The following FBXO17 variants were observed in gnomAD, a reference collection of about 807,000 sequenced individuals.
FBXO17 encodes the protein F-box only protein 17.
Under a neutral mutation model 34.1 loss-of-function variants are expected in FBXO17, and 43 were observed. The ratio of observed to expected loss-of-function variants is 1.26; its 90% CI spans 0.99 to 1.62. The LOEUF (loss-of-function observed/expected upper bound fraction) is 1.62. FBXO17 is among the 40% of genes most tolerant of loss of function. The pLI is 0.00. For synonymous variants in FBXO17, 169 were observed against 166.0 expected (o/e 1.02, Z -0.14); for missense variants, 424 against 386.7 (o/e 1.10, Z -0.81).
chr19:38,967,556 T>A (rs2144841606), intron 1 of FBXO17, among the ~76,000 whole-genome samples: 1 of 146,974 alleles, frequency 6.8e-6, no homozygotes. Context: ...CATTAGTCAT[T>A]AGGAAAATGC....
At chr19:38,973,534 C>T (rs1042634425) in intron 1 of FBXO17, among the ~76,000 whole-genome samples, 2 of 151,062 alleles carry the variant, frequency 1.3e-5, no homozygotes, top group Non-Finnish European at 2.9e-5. Flanking sequence ...TAAAACACTT[C>T]GTTTTCCATT....
At chr19:38,949,718 C>G (rs1975042706) in intron 2 of FBXO17, 2 of 578,122 alleles carry the variant, frequency 3.5e-6, no homozygotes, top group Non-Finnish European at 6.0e-6. Flanking sequence ...GCATACCAAA[C>G]TACTTGCTTT....
At chr19:38,971,374 C>A (rs904911427) in intron 1 of FBXO17, among the ~76,000 whole-genome samples, 1 of 152,058 alleles carries the variant, frequency 6.6e-6, no homozygotes, top group Non-Finnish European at 1.5e-5. Context: ...AGGACAGACA[C>A]GCTTAGGAAA....
chr19:38,948,611 C>T lies in FBXO17; in HGVS notation c.417G>A (p.Pro139=), dbSNP rs767513931. ...NGWAIEKNLT[P]VPGAPSQTCF... ...AGGTCTGCGAAGGAGCCCCAGGCAC[C>T]GGTGTTAGGTTCTTTTCTATGGCCC... The change falls in exon 3 of 6, where the codon CCG becomes CCA. Residue 139 remains proline, a synonymous_variant. Coordinates refer to ENST00000292852, the MANE Select transcript of FBXO17 (RefSeq NM_024907.7). 3.0e-5 allele frequency: 48 copies of T among 1,613,990 alleles called. No homozygotes were observed. The highest frequency in any genetic ancestry group is 2.7e-4 in the Admixed American group (16 of 59,966).
At chr19:38,965,935 C>T (rs186870385) in intron 1 of FBXO17, among the ~76,000 whole-genome samples, 81 of 152,214 alleles carry the variant, frequency 5.3e-4, no homozygotes, top group South Asian at 4.8e-3. Context: ...AGCCGTTGCT[C>T]CCAGCCTCAA....
intron 1 of FBXO17, among the ~76,000 whole-genome samples, chr19:38,973,290 G>A (rs1476805043): frequency 2.0e-5 from 3 of 152,096 alleles, no homozygotes; most frequent in South Asian, 2.1e-4. Flanking sequence ...CAGGAGAATC[G>A]CTTGAACCCA....
chr19:38,948,546 C>T (rs1273654567), intron 3 of FBXO17, 21 bp downstream of exon 3: 1 of 1,600,938 alleles, frequency 6.2e-7, no homozygotes, highest in African/African-American at 1.3e-5. Flanking sequence ...GGGATCGGGG[C>T]CTCTCACTTG....
intron 3 of FBXO17, among the ~76,000 whole-genome samples, chr19:38,948,276 C>G (rs1490990815): frequency 6.6e-6 from 1 of 152,102 alleles, no homozygotes; most frequent in Non-Finnish European, 1.5e-5. Flanking sequence ...GTGCCCGGCC[C>G]AAAACCCTGT....
In FBXO17 at chr19:38,962,790, C is replaced by A. The variant is rs142960917; in HGVS notation, c.-17-12454G>T. Among the ~76,000 whole-genome samples the A allele has an allele frequency of 3.5e-3, 526 of 151,752 alleles. 2 individuals are homozygous for A. The highest frequency in any genetic ancestry group is 0.012 in the African/African-American group (513 of 41,392). ...GGAGTGCAGTGGCAAGATCTCGGCT[C>A]ACCGCAACCTCTGCCTCCTGGGTTC... On this transcript the variant is annotated intron_variant, in intron 1 of 5. Transcript: ENST00000292852.
At chr19:38,949,840 C>G in intron 2 of FBXO17, 131 bp downstream of exon 2, 1 of 1,186,826 alleles carries the variant, frequency 8.4e-7, no homozygotes, top group Non-Finnish European at 1.1e-6. Flanking sequence ...CACTGCGTCC[C>G]TCAGCCCCGC....
intron 2 of FBXO17, among the ~76,000 whole-genome samples, 181 bp from the exon 3 acceptor site, chr19:38,948,859 A>C (rs1198489592): frequency 6.6e-6 from 1 of 151,986 alleles, no homozygotes; most frequent in Non-Finnish European, 1.5e-5. Flanking sequence ...CACAACTGTG[A>C]CTCTCAGCGG....
At chr19:38,960,182 A>C (rs1975227499) in intron 1 of FBXO17, among the ~76,000 whole-genome samples, 1 of 152,148 alleles carries the variant, frequency 6.6e-6, no homozygotes, top group Non-Finnish European at 1.5e-5. Flanking sequence ...TTTTATACTG[A>C]CTGGAAAATT....
At chr19:38,955,651 T>G (rs539336266) in intron 1 of FBXO17, among the ~76,000 whole-genome samples, 1 of 151,902 alleles carries the variant, frequency 6.6e-6, no homozygotes, top group African/African-American at 2.4e-5. Flanking sequence ...GCCCTGCTTA[T>G]TTTTGTATCG....
At chr19:38,968,882 G>A (rs1161460873) in intron 1 of FBXO17, among the ~76,000 whole-genome samples, 1 of 152,096 alleles carries the variant, frequency 6.6e-6, no homozygotes, top group African/African-American at 2.4e-5. Context: ...TAGTTGCCTT[G>A]GGCTAGGCTG....
At chr19:38,955,472 T>TTTTC (rs1390767441) in intron 1 of FBXO17, among the ~76,000 whole-genome samples, 31 of 148,334 alleles carry the variant, frequency 2.1e-4, no homozygotes, top group African/African-American at 4.2e-4. Flanking sequence ...TTCTAAAACA[T>TTTTC]TTTCTTTCTT....
At position 38,975,390 on chromosome 19, in the gene FBXO17, T is replaced by C. The variant is rs1975447590; in HGVS notation, c.-18+196A>G. Reference sequence around the variant, plus strand: ...TAGGGCTTTCTAACGTGCATTTGTATAACTTTGGGTTTAAAGGAGCCTCAG... The same window carrying C: ...TAGGGCTTTCTAACGTGCATTTGTACAACTTTGGGTTTAAAGGAGCCTCAG... On this transcript the variant is annotated intron_variant, in intron 1 of 5. Coordinates refer to ENST00000292852, the MANE Select transcript of FBXO17 (RefSeq NM_024907.7). This position sits in a 1 kb window ranked among gnomAD's most constrained non-coding sequence, Gnocchi z 4.9. 6.6e-6 allele frequency among the ~76,000 whole-genome samples: 1 copy of C among 152,202 alleles called. No individual in the cohort carries two copies. The highest frequency in any genetic ancestry group is 1.5e-5 in the Non-Finnish European group (1 of 68,036).
In FBXO17 at chr19:38,945,072, T is replaced by C. The variant is rs1392447518; in HGVS notation, c.590A>G (p.Tyr197Cys). The C allele has an allele frequency of 1.9e-6, 3 of 1,614,202 alleles. No homozygotes were observed. The highest frequency in any genetic ancestry group is 1.1e-5 in the South Asian group (1 of 91,086). The change falls in exon 5 of 6, where the codon TAC becomes TGC. Residue 197 changes from tyrosine (Y) to cysteine (C), a missense_variant. Coordinates refer to ENST00000292852, the MANE Select transcript of FBXO17 (RefSeq NM_024907.7). Reference protein sequence around the residue: ...WGARENCGCVYQLRVRLLDVY... With the variant: ...WGARENCGCVCQLRVRLLDVY... ...ATCCAGAAGGCGGACCCGGAGCTGG[T>C]AGACGCAGCCGCAGTTCTCTCGAGC...
At chr19:38,946,666 T>C in intron 3 of FBXO17, 99 bp from the exon 4 acceptor site, 1 of 1,518,476 alleles carries the variant, frequency 6.6e-7, no homozygotes, top group South Asian at 1.3e-5. Context: ...GATAACCCTC[T>C]CTAAAGCAGC....
intron 3 of FBXO17, chr19:38,947,560 C>T (rs1342141497): frequency 6.6e-6 from 1 of 152,072 alleles, no homozygotes; most frequent in African/African-American, 2.4e-5. Flanking sequence ...GCACTCTAGA[C>T]TGGGCAACAA....
Sources: gnomAD v4.1 joint callset for allele counts (sites outside exome capture counted in the v4.1 genomes callset) on GRCh38, gnomAD v4.1.1 for gene constraint, Gnocchi (gnomAD v3.1) non-coding constraint, MANE v1.5 for transcripts, NCBI Gene and HGNC (gene_info 2026-07-23, HGNC 2026-07-21) for gene names.